The following RYR3 variants were observed in gnomAD, a reference collection of about 807,000 sequenced individuals.
RYR3 encodes brain ryanodine receptor-calcium release channel.
In RYR3, 207 loss-of-function variants were observed where a neutral mutation model predicts 584.3. The observed-to-expected ratio is 0.35, with a 90% confidence interval of 0.32 to 0.40. The LOEUF is 0.40. Ranked by LOEUF, RYR3 falls within the 10% of genes least tolerant of loss-of-function variation. The pLI is 1.00. For missense variants in RYR3, 5,616 were observed against 6,089.2 expected (o/e 0.92, Z 2.59); for synonymous variants, 2,416 against 2,248.5 (o/e 1.07, Z -2.11).
chr15:33,582,210 C>T (rs770885772), intron 14 of RYR3, among the ~76,000 whole-genome samples: 40 of 152,144 alleles, frequency 2.6e-4, no homozygotes, highest in Non-Finnish European at 4.4e-4. Flanking sequence ...CTAGGCCACC[C>T]GCCTATGGGT....
chr15:33,713,321 G>A (rs2067252916), intron 43 of RYR3, among the ~76,000 whole-genome samples: 1 of 151,930 alleles, frequency 6.6e-6, no homozygotes, highest in Admixed American at 6.6e-5. Context: ...TAGTGATAGT[G>A]GAATATGATA....
At chr15:33,394,201 C>T (rs762531903) in intron 1 of RYR3, among the ~76,000 whole-genome samples, 3 of 152,202 alleles carry the variant, frequency 2.0e-5, no homozygotes, top group Non-Finnish European at 4.4e-5. Flanking sequence ...GGCAGTAACT[C>T]CCACGCGGAG....
Position 33,580,040 on chromosome 15 carries a change from G to A in RYR3, c.1333G>A (p.Asp445Asn), listed in dbSNP as rs1050145148. ...AGAAGAAGTCCTGCAGACCCTACAG[G>A]ACTTGATCGCCTACTTCCAGCCCCC... ...PIEEVLQTLQDLIAYFQPPEE... is the reference protein window; with the variant it reads ...PIEEVLQTLQNLIAYFQPPEE... The change falls in exon 13 of 104, where the codon GAC becomes AAC. Residue 445 changes from aspartate (D) to asparagine (N), a missense_variant. Physicochemically the swap from Asp to Asn is conservative, Grantham distance 23 (BLOSUM62 1). This residue lies in a region of RYR3 where 1,284 missense variants were observed against 1,344.6 expected (regional missense o/e 0.95). Coordinates refer to ENST00000634891, the MANE Select transcript of RYR3 (RefSeq NM_001036.6). 4 of 1,613,704 alleles carry A rather than the reference G, an allele frequency of 2.5e-6. No individual in the cohort carries two copies. Among genetic ancestry groups the A allele is most frequent in the Non-Finnish European group, 3.4e-6 (4 of 1,179,762 alleles).
chr15:33,731,726 G>T, intron 48 of RYR3, 32 bp downstream of exon 48: 1 of 1,419,730 alleles, frequency 7.0e-7, no homozygotes, highest in Non-Finnish European at 9.9e-7. Context: ...TTACTTCTGT[G>T]TATGCATCCA....
At chr15:33,335,719 A>T (rs1300211904) in intron 1 of RYR3, among the ~76,000 whole-genome samples, 3 of 151,082 alleles carry the variant, frequency 2.0e-5, no homozygotes, top group African/African-American at 7.3e-5. Flanking sequence ...AATAAAGAAT[A>T]ATTAAAAAAA....
intron 16 of RYR3, among the ~76,000 whole-genome samples, chr15:33,594,521 A>C (rs868673019): frequency 6.6e-6 from 1 of 152,214 alleles, no homozygotes; most frequent in African/African-American, 2.4e-5. Flanking sequence ...AAAGTCAAAA[A>C]GATTACTTCA....
chr15:33,573,287 G>GA (rs2058131389), intron 12 of RYR3, among the ~76,000 whole-genome samples: 2 of 152,086 alleles, frequency 1.3e-5, no homozygotes, highest in Admixed American at 1.3e-4. Flanking sequence ...AAGTGAAGGA[G>GA]AAAAAAACAT....
chr15:33,644,256 A>C (rs1230368333), intron 27 of RYR3, 55 bp from the exon 28 acceptor site: 10 of 1,427,028 alleles, frequency 7.0e-6, no homozygotes, highest in Non-Finnish European at 9.7e-6. Context: ...GCTGCCTCGG[A>C]GTTTCCTGGG....
intron 5 of RYR3, 77 bp downstream of exon 5, chr15:33,533,466 C>T (rs779638419): frequency 1.0e-5 from 10 of 998,756 alleles, no homozygotes; most frequent in Admixed American, 2.1e-5. Context: ...ACCCTGAATG[C>T]GTTACTCATT....
intron 60 of RYR3, among the ~76,000 whole-genome samples, chr15:33,762,181 T>C (rs986048057): frequency 6.6e-6 from 1 of 152,212 alleles, no homozygotes; most frequent in African/African-American, 2.4e-5. Context: ...AAGCATTCCC[T>C]TAGAAAACCG....
intron 38 of RYR3, among the ~76,000 whole-genome samples, chr15:33,676,156 G>A (rs1333946830): frequency 6.6e-6 from 1 of 151,664 alleles, no homozygotes; most frequent in African/African-American, 2.4e-5. Context: ...AAGAGAGCCA[G>A]AGATATGCAA....
At chr15:33,715,422 A>G (rs1229156291) in intron 43 of RYR3, among the ~76,000 whole-genome samples, 4 of 152,246 alleles carry the variant, frequency 2.6e-5, no homozygotes, top group Non-Finnish European at 1.5e-5. Flanking sequence ...AAATAGGAAC[A>G]ACATCGCAAT....
At chr15:33,458,896 C>T (rs2047787050) in intron 1 of RYR3, among the ~76,000 whole-genome samples, 1 of 152,222 alleles carries the variant, frequency 6.6e-6, no homozygotes, top group Admixed American at 6.5e-5. Flanking sequence ...GACCCAATAC[C>T]TGATCTTTCC....
At position 33,458,304 on chromosome 15, in the gene RYR3, A is replaced by G. The variant is rs2047732705; in HGVS notation, c.52-15115A>G. The stretch of plus-strand genomic sequence containing the variant: ...AGGCCTAGATAGAACAAAAAAGTGG[A>G]AGAAGGGCAAATTCTCCCACTCTCT... On this transcript the variant is annotated intron_variant, in intron 1 of 103. Coordinates refer to ENST00000634891, the MANE Select transcript of RYR3 (RefSeq NM_001036.6). Among the ~76,000 whole-genome samples the G allele has an allele frequency of 2.0e-5, 3 of 152,290 alleles. No individual in the cohort carries two copies. The South Asian group carries it at 6.2e-4, about 32-fold the overall frequency.
At position 33,844,841 on chromosome 15, in the gene RYR3, C is replaced by T. The variant is rs532174409; in HGVS notation, c.13297-21C>T. 22 of 1,605,618 alleles carry T rather than the reference C, an allele frequency of 1.4e-5. No individual in the cohort carries two copies. In the East Asian group the frequency reaches 2.2e-4, roughly 16 times the overall value. On this transcript the variant is annotated intron_variant, in intron 92 of 103. Transcript: ENST00000634891. ...GAGGTTCTTTTTGATGTTTAATAAG[C>T]GAGTGTGTATTTTGAGCCAGGTCAC...
intron 38 of RYR3, among the ~76,000 whole-genome samples, chr15:33,677,185 C>G (rs1222389202): frequency 6.6e-6 from 1 of 152,166 alleles, no homozygotes; most frequent in Non-Finnish European, 1.5e-5. Flanking sequence ...CACACTCTTT[C>G]CAGAGCACCG....
intron 96 of RYR3, 66 bp from the exon 97 acceptor site, chr15:33,854,323 C>T: frequency 3.7e-6 from 5 of 1,337,190 alleles, no homozygotes; most frequent in Non-Finnish European, 5.1e-6. Context: ...TTACTTTTTC[C>T]CCCTTATTGA....
At position 33,551,660 on chromosome 15, in the gene RYR3, A is replaced by G. The variant is rs1020224268; in HGVS notation, c.972+1344A>G. Among the ~76,000 whole-genome samples the G allele has an allele frequency of 1.4e-4, 21 of 152,186 alleles. 1 individual carries two copies. The highest frequency in any genetic ancestry group is 1.5e-5 in the Non-Finnish European group (1 of 68,036). The stretch of plus-strand genomic sequence containing the variant: ...GTTCACATCTTCCTAACCGTCTCTC[A>G]AATGTCATCTTCCTTCTGCTTCTCT... On this transcript the variant is annotated intron_variant, in intron 10 of 103. Coordinates refer to ENST00000634891, the MANE Select transcript of RYR3 (RefSeq NM_001036.6).
Position 33,838,917 on chromosome 15 carries a change from C to T in RYR3, c.12937C>T (p.Pro4313Ser), listed in dbSNP as rs373835980. ...LSEIIGKDEP[P>S]TLESTVQKKR... is the part of the protein sequence containing the mutation. ...AGAAATTATTGGCAAGGATGAACCCCCTACATTAGAGAGTACTGTACAGAA... is the reference window on the plus strand; with the variant it reads ...AGAAATTATTGGCAAGGATGAACCCTCTACATTAGAGAGTACTGTACAGAA... The change falls in exon 89 of 104, where the codon CCT becomes TCT. Residue 4313 changes from proline to serine, a missense_variant. Physicochemically the swap from Pro to Ser is moderately conservative, Grantham distance 74. Coordinates refer to ENST00000634891, the MANE Select transcript of RYR3 (RefSeq NM_001036.6). 9 of 1,613,634 alleles carry T rather than the reference C, an allele frequency of 5.6e-6. No homozygotes were observed. In the African/African-American group the frequency reaches 8.0e-5, roughly 14 times the overall value.
Sources: allele counts gnomAD v4.1 joint callset (sites outside exome capture counted in the v4.1 genomes callset), GRCh38; gene constraint gnomAD v4.1.1; regional missense constraint gnomAD v4.1.1; transcripts MANE v1.5; gene names NCBI Gene and HGNC (gene_info 2026-07-23, HGNC 2026-07-21).